The following TBCD variants were observed in gnomAD, a reference collection of about 807,000 sequenced individuals.
TBCD encodes the protein tubulin-specific chaperone D.
In TBCD, 105 loss-of-function variants were observed where a neutral mutation model predicts 169.3. The observed-to-expected ratio is 0.62, with a 90% CI of 0.53 to 0.73. TBCD has a LOEUF of 0.73. TBCD is among the 30% of genes least tolerant of loss of function. The pLI, the probability that TBCD is intolerant of heterozygous loss-of-function variation, is 0.00. For synonymous variants in TBCD, 700 were observed against 643.9 expected, an observed-to-expected ratio of 1.09 and a Z score of -1.32; for missense variants, 1,444 against 1,600.1, an observed-to-expected ratio of 0.90 and a Z score of 1.66.
rs1567887566 is a variant in TBCD at position 82,850,114 on chromosome 17, TGC to T, written c.1319-20109_1319-20108del. On this transcript the variant is annotated intron_variant, in intron 13 of 38. Coordinates refer to ENST00000355528, the MANE Select transcript of TBCD (RefSeq NM_005993.5). ...TTGGCTGTGCTGCTGTTGGCTGTGC[TGC>T]TGTTGGCTGTGTTGTTGTTGGCTGT... is the stretch of plus-strand genomic sequence containing the variant. Among the ~76,000 whole-genome samples, 29 of 99,610 alleles carry T rather than the reference TGC, an allele frequency of 2.9e-4. 8 individuals carry two copies. The highest frequency in any genetic ancestry group is 1.2e-3 in the African/African-American group (25 of 21,026). 65.3% of individuals were successfully genotyped at this position (99,610 alleles called of 152,430 possible).
chr17:82,850,562 G>A (rs963210025), intron 13 of TBCD, among the ~76,000 whole-genome samples: 30 of 149,722 alleles, frequency 2.0e-4, no homozygotes, highest in Admixed American at 6.7e-5. Context: ...TGGCTGTGCT[G>A]TTGTTGGCTG....
chr17:82,929,122 C>T lies in TBCD; in HGVS notation c.2703C>T (p.Arg901=), dbSNP rs2061998134. The change falls in exon 31 of 39, where the codon CGC becomes CGT. Residue 901 remains arginine, a synonymous_variant. Transcript: ENST00000355528. ...TGCTCTCGGTTTGCAGCTGTGAGCG[C>T]ATCATGTGCTGTGTGGCCCAGCAGG... The part of the protein sequence containing the change: ...PELIEAHTCE[R]IMCCVAQQAS... 6.2e-7 allele frequency: 1 copy of T among 1,611,238 alleles called. No individual in the cohort carries two copies. Among genetic ancestry groups the T allele is most frequent in the African/African-American group, 1.3e-5 (1 of 75,034 alleles).
chr17:82,938,077 G>A lies in TBCD; in HGVS notation c.3310G>A (p.Asp1104Asn), dbSNP rs372479408. 1.6e-4 allele frequency: 255 copies of A among 1,613,062 alleles called. No individual in the cohort carries two copies. The highest frequency in any genetic ancestry group is 2.1e-4 in the Non-Finnish European group (247 of 1,179,848). ...VFCEMVQFPG[D>N]VRRQALLQLC... ...CTGCGAGATGGTGCAGTTCCCCGGC[G>A]ACGTGAGGAGGCAGGCCCTCCTGCA... Residue 1104 changes from aspartate to asparagine, a missense_variant, in exon 36 of 39, where the codon GAC (aspartate) becomes AAC (asparagine). Transcript: ENST00000355528.
chr17:82,797,994 T>TGA (rs2050231330), intron 8 of TBCD, among the ~76,000 whole-genome samples, 192 bp downstream of exon 8: 1 of 85,938 alleles, frequency 1.2e-5, no homozygotes, highest in South Asian at 3.8e-4. Context: ...TTTTTTTTTT[T>TGA]GAGACTGAGT....
chr17:82,892,679 A>C (rs935760050), intron 16 of TBCD, among the ~76,000 whole-genome samples: 5 of 152,130 alleles, frequency 3.3e-5, no homozygotes, highest in Admixed American at 6.5e-5. Context: ...TCAAGGAAGG[A>C]TCTGAATCCC....
chr17:82,825,793 C>T (rs1207285755), intron 13 of TBCD, among the ~76,000 whole-genome samples: 1 of 152,148 alleles, frequency 6.6e-6, no homozygotes, highest in Non-Finnish European at 1.5e-5. Context: ...GAATAATCTA[C>T]CATTCTTCGT....
intron 13 of TBCD, among the ~76,000 whole-genome samples, chr17:82,822,150 G>A (rs1567836415): frequency 6.6e-6 from 1 of 152,158 alleles, no homozygotes; most frequent in Admixed American, 6.5e-5. Flanking sequence ...TCTGGATGAC[G>A]AAAACTCTGC....
chr17:82,802,197 G>A (rs528367110), intron 9 of TBCD, among the ~76,000 whole-genome samples: 1 of 149,530 alleles, frequency 6.7e-6, no homozygotes, highest in Non-Finnish European at 1.5e-5. Context: ...CGGTGTGAAC[G>A]GGTTGGTTCT....
chr17:82,824,268 G>A (rs922613515), intron 13 of TBCD, among the ~76,000 whole-genome samples: 3 of 150,532 alleles, frequency 2.0e-5, no homozygotes, highest in East Asian at 3.9e-4. Flanking sequence ...TGCAAGCTCC[G>A]CCTCCCAGGT....
chr17:82,834,589 G>C (rs1211498222), intron 13 of TBCD, among the ~76,000 whole-genome samples: 1 of 152,130 alleles, frequency 6.6e-6, no homozygotes, highest in Non-Finnish European at 1.5e-5. Flanking sequence ...GGAGCTGGAA[G>C]CCAGCATCCT....
intron 13 of TBCD, chr17:82,830,744 G>A (rs778663262): frequency 6.2e-7 from 1 of 1,613,934 alleles, no homozygotes; most frequent in Non-Finnish European, 8.5e-7. Flanking sequence ...GTGGCTGCCA[G>A]GTTTATCTCT....
chr17:82,859,561 G>A (rs2056595405), intron 13 of TBCD: 1 of 985,332 alleles, frequency 1.0e-6, no homozygotes, highest in African/African-American at 1.7e-5. Flanking sequence ...TGACTTCAGG[G>A]CTACGGAAGT....
At position 82,890,289 on chromosome 17, in the gene TBCD, G is replaced by T. The variant is rs1310730824; in HGVS notation, c.1563+592G>T. The stretch of plus-strand genomic sequence containing the variant: ...TGTGGTTGGGTCTTGCAGGAGAGTG[G>T]GACAGAGGCCGGAGAGGGGACCGGG... On this transcript the variant is annotated intron_variant, in intron 16 of 38. Transcript: ENST00000355528. This position sits in a 1 kb window ranked among gnomAD's most constrained non-coding sequence, Gnocchi z 5.3. Among the ~76,000 whole-genome samples, 1 of 152,238 alleles carries T rather than the reference G, an allele frequency of 6.6e-6. No individual in the cohort carries two copies. Among genetic ancestry groups the T allele is most frequent in the East Asian group, 1.9e-4 (1 of 5,200 alleles).
chr17:82,829,394 C>T (rs1018432513), intron 13 of TBCD: 1 of 153,510 alleles, frequency 6.5e-6, no homozygotes, highest in African/African-American at 2.4e-5. Flanking sequence ...GCTGCCACAG[C>T]TATCAGCTCT....
intron 23 of TBCD, among the ~76,000 whole-genome samples, chr17:82,912,578 G>A (rs2060723045): frequency 6.6e-6 from 1 of 152,144 alleles, no homozygotes; most frequent in Non-Finnish European, 1.5e-5. Flanking sequence ...GGGACTGTGA[G>A]TGTGAGTGTG....
chr17:82,930,472 G>C lies in TBCD; in HGVS notation c.2992-50G>C, dbSNP rs1235651611. ...GACCGGCTGTAGCCAAGCCTGAGGGGTGGCAGGCTCGGGGGTCCCACTGCC... is the reference window on the plus strand; with the variant it reads ...GACCGGCTGTAGCCAAGCCTGAGGGCTGGCAGGCTCGGGGGTCCCACTGCC... On this transcript the variant is annotated intron_variant, in intron 32 of 38. Transcript: ENST00000355528. The surrounding 1 kb of genome is among the most constrained non-coding windows in gnomAD (Gnocchi z 5.2). 2 of 1,597,624 alleles carry C rather than the reference G, an allele frequency of 1.3e-6. No homozygotes were observed. The highest frequency in any genetic ancestry group is 1.7e-6 in the Non-Finnish European group (2 of 1,173,568).
chr17:82,875,690 A>G (rs1324611381), intron 14 of TBCD, among the ~76,000 whole-genome samples: 3 of 152,242 alleles, frequency 2.0e-5, no homozygotes, highest in African/African-American at 4.8e-5. Flanking sequence ...AATGGCAGGC[A>G]TTGCTCAGAG....
chr17:82,941,705 G>A (rs912264672), intron 38 of TBCD: 14 of 539,660 alleles, frequency 2.6e-5, no homozygotes, highest in South Asian at 7.3e-5. Context: ...GCTCTGGGGC[G>A]TTTGGGGGGC....
At chr17:82,871,562 C>G (rs895402421) in intron 14 of TBCD, among the ~76,000 whole-genome samples, 17 of 152,232 alleles carry the variant, frequency 1.1e-4, no homozygotes, top group African/African-American at 4.1e-4. Flanking sequence ...GTTCAGGAGC[C>G]GAGCGTCCCC....
Sources: allele counts gnomAD v4.1 joint callset (sites outside exome capture counted in the v4.1 genomes callset), GRCh38; gene constraint gnomAD v4.1.1; non-coding constraint Gnocchi (gnomAD v3.1); transcripts MANE v1.5; gene names NCBI Gene and HGNC (gene_info 2026-07-23, HGNC 2026-07-21).